The following CORIN variants were observed in gnomAD, a reference collection of about 807,000 sequenced individuals.
The protein encoded by CORIN is atrial natriuretic peptide-converting enzyme.
A neutral mutation model predicts 125.3 loss-of-function variants in CORIN; 117 were observed. That is an observed-to-expected ratio of 0.93 (90% CI 0.80 to 1.09). The LOEUF (loss-of-function observed/expected upper bound fraction) is 1.09. CORIN is among the 50% of genes least tolerant of loss of function. The pLI, the probability that CORIN is intolerant of heterozygous loss-of-function variation, is 0.00. For missense variants in CORIN, 1,253 were observed against 1,306.7 expected (o/e 0.96, Z 0.63); for synonymous variants, 450 against 466.4 (o/e 0.96, Z 0.45).
intron 3 of CORIN, among the ~76,000 whole-genome samples, chr4:47,767,320 C>T (rs73150642): frequency 6.9e-4 from 104 of 151,474 alleles, no homozygotes; most frequent in East Asian, 2.3e-3. Flanking sequence ...TCCACCCACA[C>T]GCACAGAATA....
In CORIN at chr4:47,657,522, G is replaced by A. The variant is rs867589634; in HGVS notation, c.1736-3862C>T. Among the ~76,000 whole-genome samples, 315 of 121,844 alleles carry A rather than the reference G, an allele frequency of 2.6e-3. 1 individual carries two copies. The highest frequency in any genetic ancestry group is 0.012 in the Middle Eastern group (2 of 164). 79.9% of individuals were successfully genotyped at this position (121,844 alleles called of 152,430 possible). The stretch of plus-strand genomic sequence containing the variant: ...TGCACTCCAGCCTGGGCGACAGAGC[G>A]AAACTCCGTCTCCAAAAAAAAAAAA... On this transcript the variant is annotated intron_variant, in intron 12 of 21. Coordinates refer to ENST00000273857, the MANE Select transcript of CORIN (RefSeq NM_006587.4).
intron 16 of CORIN, among the ~76,000 whole-genome samples, chr4:47,631,033 G>T (rs898069265): frequency 6.6e-6 from 1 of 152,090 alleles, no homozygotes; most frequent in Admixed American, 6.6e-5. Context: ...GGGCCGGAGG[G>T]TGCCTATAAA....
intron 5 of CORIN, among the ~76,000 whole-genome samples, chr4:47,703,727 T>C (rs1726415259): frequency 6.6e-6 from 1 of 152,186 alleles, no homozygotes; most frequent in Admixed American, 6.5e-5. Context: ...ACAACTCACC[T>C]CTGAAAGATG....
chr4:47,787,978 A>G (rs1048193612), intron 2 of CORIN, among the ~76,000 whole-genome samples: 1 of 152,248 alleles, frequency 6.6e-6, no homozygotes, highest in African/African-American at 2.4e-5. Context: ...ACCAAACCTA[A>G]GATTATTGAA....
At chr4:47,670,978 A>G (rs537554968) in intron 10 of CORIN, among the ~76,000 whole-genome samples, 53 of 152,350 alleles carry the variant, frequency 3.5e-4, no homozygotes, top group African/African-American at 1.2e-3. Flanking sequence ...AAAAAGCTGT[A>G]GGCACTTCTG....
chr4:47,777,946 G>C (rs1730371414), intron 3 of CORIN, among the ~76,000 whole-genome samples: 1 of 152,176 alleles, frequency 6.6e-6, no homozygotes, highest in South Asian at 2.1e-4. Flanking sequence ...ATTACATACA[G>C]TGCCAATTTT....
At chr4:47,767,031 A>G (rs1407751837) in intron 3 of CORIN, among the ~76,000 whole-genome samples, 1 of 152,022 alleles carries the variant, frequency 6.6e-6, no homozygotes, top group African/African-American at 2.4e-5. Context: ...ACATTTCACC[A>G]AAAAAAGAAT....
At chr4:47,664,859 C>T (rs1316782335) in intron 11 of CORIN, among the ~76,000 whole-genome samples, 173 bp downstream of exon 11, 1 of 152,200 alleles carries the variant, frequency 6.6e-6, no homozygotes, top group Non-Finnish European at 1.5e-5. Context: ...TGAATTCTGA[C>T]TCAAATATTC....
intron 5 of CORIN, among the ~76,000 whole-genome samples, chr4:47,725,677 T>C (rs938697958): frequency 1.3e-5 from 2 of 152,110 alleles, no homozygotes; most frequent in African/African-American, 4.8e-5. Context: ...GGAGAAATTA[T>C]GAAGGAAAAT....
intron 5 of CORIN, among the ~76,000 whole-genome samples, chr4:47,693,309 G>T (rs916579439): frequency 5.3e-5 from 8 of 152,178 alleles, no homozygotes; most frequent in Admixed American, 4.6e-4. Context: ...GAAAGCAGGA[G>T]ATAGTTCACC....
intron 19 of CORIN, among the ~76,000 whole-genome samples, chr4:47,604,579 A>G (rs1721574331): frequency 6.6e-6 from 1 of 152,320 alleles, no homozygotes. Context: ...CAGGAACTTA[A>G]TACTATAATC....
At chr4:47,752,257 T>C (rs1036491902) in intron 4 of CORIN, among the ~76,000 whole-genome samples, 19 of 152,182 alleles carry the variant, frequency 1.2e-4, no homozygotes, top group African/African-American at 4.6e-4. Flanking sequence ...GTATTTATTA[T>C]CTGTCTATTT....
At position 47,736,030 on chromosome 4, in the gene CORIN, A is replaced by G. The variant is rs911585747; in HGVS notation, c.799+8372T>C. ...TATGTTTTGAGCAACAGTGTTACAT[A>G]ACACTGATGATTTTTTTATTTTCAA... On this transcript the variant is annotated intron_variant, in intron 5 of 21. Coordinates refer to ENST00000273857, the MANE Select transcript of CORIN (RefSeq NM_006587.4). Among the ~76,000 whole-genome samples the G allele has an allele frequency of 3.3e-5, 5 of 152,054 alleles. No homozygotes were observed. In the East Asian group the frequency reaches 9.7e-4, roughly 29 times the overall value.
intron 4 of CORIN, among the ~76,000 whole-genome samples, chr4:47,751,260 C>T (rs1442112648): frequency 2.0e-5 from 3 of 152,178 alleles, no homozygotes; most frequent in Non-Finnish European, 4.4e-5. Flanking sequence ...CCTTCACATA[C>T]ATTATTTTTT....
At chr4:47,611,513 T>C (rs1287007291) in intron 19 of CORIN, among the ~76,000 whole-genome samples, 1 of 152,252 alleles carries the variant, frequency 6.6e-6, no homozygotes, top group African/African-American at 2.4e-5. Flanking sequence ...TGGGGTTTTC[T>C]AGATATAGGA....
chr4:47,741,827 T>A (rs752890051), intron 5 of CORIN, among the ~76,000 whole-genome samples: 15 of 152,016 alleles, frequency 9.9e-5, no homozygotes, highest in Non-Finnish European at 1.6e-4. Flanking sequence ...TACTGTATGA[T>A]TTAATTCATA....
At chr4:47,649,792 AC>A (rs1723662059) in intron 13 of CORIN, among the ~76,000 whole-genome samples, 1 of 152,228 alleles carries the variant, frequency 6.6e-6, no homozygotes, top group African/African-American at 2.4e-5. Context: ...GGAAAATTAA[AC>A]CCTACTGAGT....
intron 19 of CORIN, among the ~76,000 whole-genome samples, chr4:47,619,172 GA>G (rs1722202096): frequency 6.6e-6 from 1 of 152,154 alleles, no homozygotes; most frequent in Non-Finnish European, 1.5e-5. Context: ...TTTTGAAAGC[GA>G]ATTGTCACTA....
chr4:47,821,323 T>C (rs376346428), intron 1 of CORIN, among the ~76,000 whole-genome samples: 16 of 151,718 alleles, frequency 1.1e-4, no homozygotes, highest in Non-Finnish European at 1.6e-4. Flanking sequence ...CAGTCTCATG[T>C]TGAAAATACT....
Sources: allele counts gnomAD v4.1 joint callset (sites outside exome capture counted in the v4.1 genomes callset), GRCh38; gene constraint gnomAD v4.1.1; transcripts MANE v1.5; gene names NCBI Gene and HGNC (gene_info 2026-07-23, HGNC 2026-07-21).